The following CALN1 variants were observed in gnomAD, a reference collection of about 807,000 sequenced individuals.
CALN1 encodes calcium-binding protein 8.
Under a neutral mutation model 30.6 loss-of-function variants are expected in CALN1, and 17 were observed. The observed-to-expected ratio is 0.56, with a 90% CI of 0.38 to 0.83. The LOEUF (loss-of-function observed/expected upper bound fraction) is 0.83, where lower values mean the gene tolerates loss of function less well. CALN1 is among the 40% of genes least tolerant of loss of function. The pLI is 0.00. For missense variants in CALN1, 291 were observed against 354.9 expected (o/e 0.82, Z 1.45); for synonymous variants, 156 against 131.4 (o/e 1.19, Z -1.28).
chr7:72,406,577 T>G lies in CALN1; in HGVS notation c.-73-3135A>C, dbSNP rs565677291. Among the ~76,000 whole-genome samples the G allele has an allele frequency of 6.1e-4, 93 of 151,804 alleles. 2 individuals carry two copies. The South Asian group carries it at 9.4e-3, about 15-fold the overall frequency. On this transcript the variant is annotated intron_variant, in intron 1 of 6. Coordinates refer to ENST00000395275, the MANE Select transcript of CALN1 (RefSeq NM_031468.4). ...AGCCCCAGTCTTGAAGTTAGATCTC[T>G]GGGCTAATTCCTAGACCCACATGAG... is the stretch of plus-strand genomic sequence containing the variant.
intron 6 of CALN1, among the ~76,000 whole-genome samples, chr7:71,791,310 A>G (rs6963757): frequency 0.36 from 54,982 of 152,026 alleles, 10,362 homozygotes; most frequent in East Asian, 0.61. Flanking sequence ...TCCTTTAGAT[A>G]TATACCCAAT....
intron 2 of CALN1, among the ~76,000 whole-genome samples, chr7:72,313,302 T>A (rs1441334593): frequency 6.6e-6 from 1 of 152,134 alleles, no homozygotes; most frequent in Non-Finnish European, 1.5e-5. Context: ...GTAAGCATTA[T>A]TGGGAAAATC....
intron 2 of CALN1, among the ~76,000 whole-genome samples, chr7:72,364,343 A>T (rs557488321): frequency 6.6e-6 from 1 of 152,364 alleles, no homozygotes; most frequent in Admixed American, 6.5e-5. Flanking sequence ...ATGGGGAAGA[A>T]CTAGCTCTAC....
At chr7:71,874,279 T>TAAAAAAA (rs57423286) in intron 5 of CALN1, among the ~76,000 whole-genome samples, 2 of 97,650 alleles carry the variant, frequency 2.0e-5, no homozygotes, top group Non-Finnish European at 2.0e-5. Context: ...TCTCAAACAT[T>TAAAAAAA]AAAAAAAAAA....
chr7:71,875,402 G>C (rs1792186724), intron 5 of CALN1, among the ~76,000 whole-genome samples: 2 of 152,134 alleles, frequency 1.3e-5, no homozygotes, highest in Admixed American at 6.5e-5. Context: ...GGAAAGCCGT[G>C]GGGTGAAGAG....
At chr7:71,793,954 G>A (rs1032219398) in intron 6 of CALN1, among the ~76,000 whole-genome samples, 2 of 152,204 alleles carry the variant, frequency 1.3e-5, no homozygotes, top group African/African-American at 4.8e-5. Flanking sequence ...AAAATTGTTT[G>A]TGCCCAATGA....
intron 3 of CALN1, among the ~76,000 whole-genome samples, chr7:72,206,096 C>T (rs1791859925): frequency 6.6e-6 from 1 of 152,152 alleles, no homozygotes; most frequent in Non-Finnish European, 1.5e-5. Context: ...CAAGGGCTCA[C>T]TCACCATTTT....
At chr7:71,984,917 C>A (rs1362702770) in intron 5 of CALN1, among the ~76,000 whole-genome samples, 1 of 152,138 alleles carries the variant, frequency 6.6e-6, no homozygotes, top group East Asian at 1.9e-4. Flanking sequence ...TGCCCAGATT[C>A]TTCTACTTGG....
At chr7:71,851,108 T>G (rs1200731279) in intron 5 of CALN1, among the ~76,000 whole-genome samples, 1 of 151,864 alleles carries the variant, frequency 6.6e-6, no homozygotes. Flanking sequence ...CCTAGCTACT[T>G]GGGAGGCTAA....
At chr7:72,101,647 C>A (rs1371974212) in intron 4 of CALN1, among the ~76,000 whole-genome samples, 1 of 152,192 alleles carries the variant, frequency 6.6e-6, no homozygotes, top group Non-Finnish European at 1.5e-5. Context: ...TATGGTCACC[C>A]TTATTATCAT....
intron 3 of CALN1, among the ~76,000 whole-genome samples, chr7:72,130,185 T>G (rs1809039651): frequency 6.6e-6 from 1 of 152,178 alleles, no homozygotes; most frequent in African/African-American, 2.4e-5. Flanking sequence ...ATGCCCAATT[T>G]TGAACTTTAC....
At chr7:72,173,130 T>C (rs892995769) in intron 3 of CALN1, among the ~76,000 whole-genome samples, 2 of 152,142 alleles carry the variant, frequency 1.3e-5, no homozygotes, top group Admixed American at 6.6e-5. Flanking sequence ...ATACAAGGTT[T>C]ATATGAAAAC....
intron 4 of CALN1, among the ~76,000 whole-genome samples, chr7:72,071,935 G>T (rs116007611): frequency 2.6e-5 from 4 of 152,134 alleles, no homozygotes; most frequent in Admixed American, 1.3e-4. Context: ...AGGAAAAAAA[G>T]ATCAGTGAAC....
In CALN1 at chr7:72,359,439, C is replaced by T. The variant is rs886480677; in HGVS notation, c.119+43812G>A. Among the ~76,000 whole-genome samples the T allele has an allele frequency of 3.9e-5, 6 of 152,304 alleles. No individual in the cohort carries two copies. In the East Asian group the frequency reaches 7.7e-4, roughly 20 times the overall value. ...TACATATATCTGCTGCTTCTTTATA[C>T]AAATGCTAACACACTGTACACATTG... On this transcript the variant is annotated intron_variant, in intron 2 of 6. Transcript: ENST00000395275.
chr7:71,905,630 C>T (rs1794092439), intron 5 of CALN1, among the ~76,000 whole-genome samples: 1 of 152,006 alleles, frequency 6.6e-6, no homozygotes, highest in Non-Finnish European at 1.5e-5. Flanking sequence ...GACATACGCA[C>T]TCCATAGAGT....
chr7:71,971,953 A>AGAAAGAAAGAAAGAAAGAAAG (rs1266444348), intron 5 of CALN1, among the ~76,000 whole-genome samples: 32 of 72,818 alleles, frequency 4.4e-4, no homozygotes, highest in African/African-American at 1.8e-3. Flanking sequence ...AAAAAAAAAA[A>AGAAAGAAAGAAAGAAAGAAAG]AAAGAAAGAA....
chr7:72,309,162 G>A (rs952065073), intron 2 of CALN1, among the ~76,000 whole-genome samples: 1 of 152,162 alleles, frequency 6.6e-6, no homozygotes, highest in African/African-American at 2.4e-5. Context: ...TCTCACCTAA[G>A]CCAGGAACCT....
intron 2 of CALN1, among the ~76,000 whole-genome samples, chr7:72,327,127 A>G (rs1383522444): frequency 1.3e-5 from 2 of 152,194 alleles, no homozygotes; most frequent in Non-Finnish European, 2.9e-5. Context: ...AGTCTGTAGG[A>G]TGAGACCACA....
chr7:71,940,238 T>C (rs1289904825), intron 5 of CALN1, among the ~76,000 whole-genome samples: 4 of 152,236 alleles, frequency 2.6e-5, no homozygotes, highest in Non-Finnish European at 4.4e-5. Context: ...CAAAGATGTA[T>C]TGAACTTGTA....
Sources: allele counts gnomAD v4.1 joint callset (sites outside exome capture counted in the v4.1 genomes callset), GRCh38; gene constraint gnomAD v4.1.1; transcripts MANE v1.5; gene names NCBI Gene and HGNC (gene_info 2026-07-23, HGNC 2026-07-21).